Variants in CYLC2 observed in about 807,000 individuals in gnomAD.
The protein encoded by CYLC2 is cylicin-2.
Under a neutral mutation model 26.1 loss-of-function variants are expected in CYLC2, and 30 were observed. The ratio of observed to expected loss-of-function variants is 1.15; its 90% CI spans 0.86 to 1.56. The LOEUF (loss-of-function observed/expected upper bound fraction) is 1.56, where lower values mean the gene tolerates loss of function less well. Among genes scored for constraint, CYLC2 ranks in the 40% most tolerant of loss-of-function variants. CYLC2 has a pLI of 0.00. For synonymous variants in CYLC2, 158 were observed against 132.8 expected (o/e 1.19, Z -1.31); for missense variants, 498 against 394.4 (o/e 1.26, Z -2.23).
intron 2 of CYLC2, 131 bp from the exon 3 acceptor site, chr9:103,003,011 C>A: frequency 1.9e-6 from 2 of 1,065,024 alleles, no homozygotes; most frequent in Non-Finnish European, 2.7e-6. Context: ...GCAAACATTA[C>A]CAAATAAATG....
chr9:102,997,101 C>G (rs1464312696), intron 1 of CYLC2, among the ~76,000 whole-genome samples: 1 of 151,700 alleles, frequency 6.6e-6, no homozygotes, highest in Non-Finnish European at 1.5e-5. Context: ...TCTTACTATC[C>G]TGGTCTAGGG....
intron 2 of CYLC2, 36 bp from the exon 3 acceptor site, chr9:103,003,106 C>T: frequency 2.5e-6 from 4 of 1,608,946 alleles, no homozygotes; most frequent in Non-Finnish European, 3.4e-6. Flanking sequence ...GAATTCTATT[C>T]ACTCCAAAAT....
At chr9:102,996,842 C>A (rs1007893065) in intron 1 of CYLC2, among the ~76,000 whole-genome samples, 2 of 151,906 alleles carry the variant, frequency 1.3e-5, no homozygotes, top group African/African-American at 4.8e-5. Flanking sequence ...CTCAACTATA[C>A]CATTTAATAG....
intron 6 of CYLC2, among the ~76,000 whole-genome samples, chr9:103,013,903 ATAT>A (rs930851738): frequency 1.6e-3 from 174 of 110,988 alleles, no homozygotes; most frequent in African/African-American, 3.7e-3. Flanking sequence ...ATTATATATA[ATAT>A]TATATTATAC....
At chr9:103,015,651 G>C (rs1564101828) in intron 6 of CYLC2, among the ~76,000 whole-genome samples, 1 of 147,062 alleles carries the variant, frequency 6.8e-6, no homozygotes, top group Non-Finnish European at 1.5e-5. Flanking sequence ...CTCTCTACTT[G>C]ACCAGCGCTC....
intron 5 of CYLC2, among the ~76,000 whole-genome samples, chr9:103,010,172 C>A (rs1214914281): frequency 1.3e-5 from 2 of 151,796 alleles, no homozygotes; most frequent in African/African-American, 2.4e-5. Flanking sequence ...TGAAAAAGTG[C>A]ATAGAAGTTG....
intron 6 of CYLC2, among the ~76,000 whole-genome samples, chr9:103,013,642 A>C (rs1829444552): frequency 9.0e-6 from 1 of 111,658 alleles, no homozygotes; most frequent in African/African-American, 3.7e-5. Context: ...ATATATATTT[A>C]TATAAAAATA....
At chr9:103,015,423 AT>A (rs1829492123) in intron 6 of CYLC2, among the ~76,000 whole-genome samples, 1 of 135,864 alleles carries the variant, frequency 7.4e-6, no homozygotes, top group Admixed American at 8.1e-5. Context: ...ATATATTATA[AT>A]TATATACTTA....
chr9:103,015,570 T>C (rs1017969732), intron 6 of CYLC2, among the ~76,000 whole-genome samples: 1 of 144,530 alleles, frequency 6.9e-6, no homozygotes, highest in Non-Finnish European at 1.5e-5. Context: ...TATATATACA[T>C]AAAATAAATC....
At chr9:102,995,441 G>C (rs778166276) in intron 1 of CYLC2, 44 bp downstream of exon 1, 1 of 1,428,050 alleles carries the variant, frequency 7.0e-7, no homozygotes, top group South Asian at 1.1e-5. Flanking sequence ...ATACTCGTTA[G>C]CTTTACATTT....
intron 7 of CYLC2, among the ~76,000 whole-genome samples, chr9:103,017,564 A>T (rs1288544774): frequency 1.3e-5 from 2 of 152,050 alleles, no homozygotes; most frequent in Admixed American, 6.6e-5. Context: ...TCCTCCATTT[A>T]TACAAACCTA....
In CYLC2 at chr9:103,006,156, A is replaced by C. The variant is rs1829347437; in HGVS notation, c.*478A>C. On this transcript the variant is annotated 3_prime_UTR_variant, in exon 5 of 8. Coordinates refer to ENST00000374798, the MANE Select transcript of CYLC2 (RefSeq NM_001340.5). ...AATCTCAAGCTGCATCCACAGATAC[A>C]AAAAAATATAGGAGCCATGAAATGA... The C allele has an allele frequency of 6.5e-6, 1 of 152,746 alleles. No individual in the cohort carries two copies. The highest frequency in any genetic ancestry group is 3.4e-3 in the Middle Eastern group (1 of 296). The allele number at this position is 152,746 out of a possible 1,614,324, so 9.5% of individuals were successfully genotyped here.
chr9:103,003,149 A>G lies in CYLC2; in HGVS notation c.66A>G (p.Glu22=), dbSNP rs774200357. The change falls in exon 3 of 8, where the codon GAA becomes GAG. Residue 22 remains glutamate (E), a synonymous_variant. Coordinates refer to ENST00000374798, the MANE Select transcript of CYLC2 (RefSeq NM_001340.5). ...GPYDNYIPVS[E]LSKKSWNQQH... ...TTGTCTCCCTTATTTTAGTCAGTGA[A>G]TTAAGCAAAAAATCATGGAATCAGC... 2.4e-5 allele frequency: 39 copies of G among 1,613,492 alleles called. No homozygotes were observed. Among genetic ancestry groups the G allele is most frequent in the Non-Finnish European group, 3.3e-5 (39 of 1,179,726 alleles).
At chr9:103,016,098 T>C in intron 6 of CYLC2, among the ~76,000 whole-genome samples, 1 of 151,908 alleles carries the variant, frequency 6.6e-6, no homozygotes, top group East Asian at 1.9e-4. Flanking sequence ...ATATTATCTA[T>C]ATCTACATAT....
chr9:102,996,111 T>C (rs1829234677), intron 1 of CYLC2, among the ~76,000 whole-genome samples: 1 of 151,796 alleles, frequency 6.6e-6, no homozygotes, highest in Non-Finnish European at 1.5e-5. Flanking sequence ...TTTAGCAGTA[T>C]TGTTAAAGGA....
At chr9:103,007,360 G>A (rs932029723) in intron 5 of CYLC2, among the ~76,000 whole-genome samples, 3 of 152,002 alleles carry the variant, frequency 2.0e-5, no homozygotes, top group Non-Finnish European at 4.4e-5. Flanking sequence ...TTGAAAGAAG[G>A]ATGAAACTCA....
intron 2 of CYLC2, among the ~76,000 whole-genome samples, chr9:103,002,157 A>G (rs1480727439): frequency 6.6e-6 from 1 of 151,978 alleles, no homozygotes; most frequent in Non-Finnish European, 1.5e-5. Flanking sequence ...ATTTCCACAC[A>G]TTAATGCTGC....
chr9:102,998,475 C>A (rs558216157), intron 1 of CYLC2, among the ~76,000 whole-genome samples: 1 of 151,630 alleles, frequency 6.6e-6, no homozygotes, highest in African/African-American at 2.4e-5. Flanking sequence ...CTTGACTGTA[C>A]CAGAGAGGAA....
intron 6 of CYLC2, among the ~76,000 whole-genome samples, chr9:103,013,759 A>G (rs1829448606): frequency 9.3e-6 from 1 of 107,344 alleles, no homozygotes; most frequent in African/African-American, 3.8e-5. Flanking sequence ...ATTATATATA[A>G]TTATATTTTA....
Sources: allele counts gnomAD v4.1 joint callset (sites outside exome capture counted in the v4.1 genomes callset), GRCh38; gene constraint gnomAD v4.1.1; transcripts MANE v1.5; gene names NCBI Gene and HGNC (gene_info 2026-07-23, HGNC 2026-07-21).